The following SATB2 variants were observed in gnomAD, a reference collection of about 807,000 sequenced individuals.
The protein encoded by SATB2 is SATB homeobox 2.
SATB2 carries 1 observed loss-of-function variant against 73.4 expected under a neutral mutation model. The observed-to-expected ratio is 0.01, with a 90% CI of 0.00 to 0.06. SATB2 has a LOEUF of 0.06. Among genes scored for constraint, SATB2 ranks in the 10% least tolerant of loss-of-function variants. The pLI is 1.00. For missense variants in SATB2, 459 were observed against 945.8 expected (o/e 0.49, Z 6.75); for synonymous variants, 397 against 367.0 (o/e 1.08, Z -0.93).
chr2:199,442,119 T>G (rs564292929), intron 2 of SATB2, among the ~76,000 whole-genome samples: 1 of 152,282 alleles, frequency 6.6e-6, no homozygotes, highest in Non-Finnish European at 1.5e-5. Context: ...AGGCCCAAAA[T>G]AAATGTTGGT....
chr2:199,405,659 G>A (rs997321153), intron 3 of SATB2, among the ~76,000 whole-genome samples: 1 of 152,100 alleles, frequency 6.6e-6, no homozygotes, highest in African/African-American at 2.4e-5. Flanking sequence ...CCTCAAAAGT[G>A]TTCTCTGAAC....
intron 3 of SATB2, among the ~76,000 whole-genome samples, chr2:199,417,845 C>T (rs1173460344): frequency 1.3e-5 from 2 of 152,132 alleles, no homozygotes; most frequent in African/African-American, 4.8e-5. Flanking sequence ...AAGAAAATAA[C>T]ATTCTTCTAA....
At chr2:199,323,476 TACACACACACACACAC>T (rs1553546876) in intron 9 of SATB2, among the ~76,000 whole-genome samples, 1 of 142,752 alleles carries the variant, frequency 7.0e-6, no homozygotes, top group African/African-American at 2.6e-5. Flanking sequence ...GTTTTGTTCA[TACACACACACACACAC>T]ACACACACAC....
At position 199,272,216 on chromosome 2, in the gene SATB2, T is replaced by A; in HGVS notation, c.2197A>T (p.Arg733Ter). 1 of 1,614,018 alleles carries A rather than the reference T, an allele frequency of 6.2e-7. No homozygotes were observed. Among genetic ancestry groups the A allele is most frequent in the Non-Finnish European group, 8.5e-7 (1 of 1,179,920 alleles). ...TTGCCTAGTAGAAGTTCACATTATC[T>A]CTGGTCAATTTCGGCAGGTGCTGCC... ...SKAAPAEIDQ[R>*] The change falls in exon 11 of 11, where the codon AGA becomes TGA. Residue 733 changes from arginine (R) to a stop codon, truncating the protein, a stop_gained. Transcript: ENST00000417098. LOFTEE classifies it high-confidence loss of function. This position sits in a 1 kb window ranked among gnomAD's most constrained non-coding sequence, Gnocchi z 6.7.
chr2:199,456,571 C>G (rs1304556380), intron 1 of SATB2, among the ~76,000 whole-genome samples: 2 of 152,196 alleles, frequency 1.3e-5, no homozygotes, highest in South Asian at 2.1e-4. Flanking sequence ...AATGGCCAGG[C>G]AGGAGCCAAA....
At chr2:199,458,050 C>G (rs1287166810), upstream of SATB2, 1 of 156,826 alleles carries the variant, frequency 6.4e-6, no homozygotes, top group Non-Finnish European at 1.4e-5. Flanking sequence ...GATTTCTCCC[C>G]CTCCCCCTTT....
chr2:199,385,014 C>T (rs1025903370), intron 3 of SATB2, among the ~76,000 whole-genome samples: 2 of 152,182 alleles, frequency 1.3e-5, no homozygotes, highest in African/African-American at 4.8e-5. Flanking sequence ...GAGGAGTATA[C>T]ATCAATGTGT....
chr2:199,461,321 G>T (rs1692471302), upstream of SATB2, among the ~76,000 whole-genome samples: 1 of 152,078 alleles, frequency 6.6e-6, no homozygotes, highest in South Asian at 2.1e-4. Flanking sequence ...TTTCCAGCAG[G>T]TTTAATTTCG....
intron 9 of SATB2, among the ~76,000 whole-genome samples, chr2:199,315,205 C>A (rs1687697280): frequency 6.6e-6 from 1 of 151,948 alleles, no homozygotes; most frequent in East Asian, 1.9e-4. Context: ...TCTGTCGTTG[C>A]TGTTGTTAAT....
Position 199,308,264 on chromosome 2 carries a change from C to G in SATB2, c.1740+496G>C, listed in dbSNP as rs746673599. ...AAACTCATCTTAAAATTCTAAGAATCTGTCACAATCTGTCTCTCAAGGTTC... is the reference window on the plus strand; with the variant it reads ...AAACTCATCTTAAAATTCTAAGAATGTGTCACAATCTGTCTCTCAAGGTTC... On this transcript the variant is annotated intron_variant, in intron 10 of 10. Transcript: ENST00000417098. This position sits in a 1 kb window ranked among gnomAD's most constrained non-coding sequence, Gnocchi z 4.6. Among the ~76,000 whole-genome samples the G allele has an allele frequency of 1.3e-5, 2 of 152,156 alleles. No homozygotes were observed. Among genetic ancestry groups the G allele is most frequent in the East Asian group, 3.9e-4 (2 of 5,192 alleles).
chr2:199,403,330 G>A (rs889360839), intron 3 of SATB2, among the ~76,000 whole-genome samples: 6 of 149,992 alleles, frequency 4.0e-5, no homozygotes, highest in Admixed American at 6.6e-5. Flanking sequence ...GTATAATATT[G>A]TATATTGTTG....
chr2:199,338,153 C>G (rs1262900054), intron 7 of SATB2, among the ~76,000 whole-genome samples: 2 of 151,738 alleles, frequency 1.3e-5, no homozygotes, highest in Non-Finnish European at 2.9e-5. Context: ...CATTTGAGGT[C>G]AGGAGTTCAA....
chr2:199,367,265 C>T (rs905816357), intron 6 of SATB2, among the ~76,000 whole-genome samples: 4 of 152,106 alleles, frequency 2.6e-5, no homozygotes, highest in East Asian at 1.9e-4. Flanking sequence ...TATTAATATG[C>T]GAAAGCATTT....
chr2:199,452,774 T>A (rs1692164821), intron 2 of SATB2, among the ~76,000 whole-genome samples: 1 of 152,070 alleles, frequency 6.6e-6, no homozygotes, highest in African/African-American at 2.4e-5. Context: ...ATTAGCCTTT[T>A]TTTTTTCCTA....
intron 3 of SATB2, among the ~76,000 whole-genome samples, chr2:199,426,809 C>T (rs962847004): frequency 7.3e-5 from 11 of 151,676 alleles, no homozygotes; most frequent in Non-Finnish European, 1.5e-4. Context: ...TCTGACTGTC[C>T]ATCTATTTAT....
rs995739892 is a variant in SATB2, at chr2:199,463,603, C to T, written c.-141+1233G>A. ...GGGCTGAGGCCGAAACCTTCGGCGC[C>T]GGCTCTGCCGGTCGCGTCCCGGAGC... On this transcript the variant is annotated intron_variant, in intron 1 of 11. Coordinates refer to the SATB2 transcript ENST00000260926. The surrounding 1 kb of genome is among the most constrained non-coding windows in gnomAD (Gnocchi z 6.4). Among the ~76,000 whole-genome samples the T allele has an allele frequency of 6.6e-5, 10 of 152,184 alleles. No homozygotes were observed. The highest frequency in any genetic ancestry group is 6.5e-4 in the Admixed American group (10 of 15,290).
intron 7 of SATB2, among the ~76,000 whole-genome samples, chr2:199,331,321 G>A (rs1393500323): frequency 6.6e-6 from 1 of 151,624 alleles, no homozygotes; most frequent in Non-Finnish European, 1.5e-5. Flanking sequence ...AAATTAATAT[G>A]AAGTATCCTT....
At chr2:199,422,350 AC>A (rs1691198435) in intron 3 of SATB2, among the ~76,000 whole-genome samples, 1 of 151,888 alleles carries the variant, frequency 6.6e-6, no homozygotes, top group Non-Finnish European at 1.5e-5. Context: ...ATTAGAAAAA[AC>A]AAATTTAAAC....
intron 10 of SATB2, among the ~76,000 whole-genome samples, chr2:199,273,355 A>G (rs1031877202): frequency 1.3e-5 from 2 of 152,208 alleles, no homozygotes; most frequent in African/African-American, 4.8e-5. Flanking sequence ...TGTTCCAATA[A>G]GACTAAATTT....
Sources: gnomAD v4.1 joint callset for allele counts (sites outside exome capture counted in the v4.1 genomes callset) on GRCh38, gnomAD v4.1.1 for gene constraint, Gnocchi (gnomAD v3.1) non-coding constraint, MANE v1.5 for transcripts, NCBI Gene and HGNC (gene_info 2026-07-23, HGNC 2026-07-21) for gene names.